Variants in MKX observed in about 807,000 individuals in gnomAD.
MKX encodes the protein mohawk homeobox, also known as homeobox protein Mohawk.
In MKX, 13 loss-of-function variants were observed where a neutral mutation model predicts 36.0. That is an observed-to-expected ratio of 0.36 (90% CI 0.24 to 0.57). MKX has a LOEUF of 0.57. Ranked by LOEUF, MKX falls within the 20% of genes least tolerant of loss-of-function variation. MKX has a pLI of 0.79. For missense variants in MKX, 458 were observed against 456.4 expected (o/e 1.00, Z -0.03); for synonymous variants, 176 against 178.3 (o/e 0.99, Z 0.10).
In MKX at chr10:27,742,951, G is replaced by C. The variant is rs1414143382; in HGVS notation, c.188+277C>G. 1.3e-5 allele frequency among the ~76,000 whole-genome samples: 2 copies of C among 152,224 alleles called. No homozygotes were observed. Among genetic ancestry groups the C allele is most frequent in the East Asian group, 3.9e-4 (2 of 5,194 alleles). ...AGAGGGGCAAATAACCCCCAACTCC[G>C]AGGTCCAGGCAGCGGAGGGCCGAGG... On this transcript the variant is annotated intron_variant, in intron 2 of 6. Transcript: ENST00000419761. This position sits in a 1 kb window ranked among gnomAD's most constrained non-coding sequence, Gnocchi z 4.2.
At chr10:27,716,361 T>C (rs1178576159) in intron 5 of MKX, among the ~76,000 whole-genome samples, 1 of 147,048 alleles carries the variant, frequency 6.8e-6, no homozygotes, top group Non-Finnish European at 1.5e-5. Context: ...AGGATGAGGC[T>C]GCAGTCAGTC....
Position 27,743,219 on chromosome 10 carries a change from T to A in MKX, c.188+9A>T, listed in dbSNP as rs767324759. 2 of 1,473,936 alleles carry A rather than the reference T, an allele frequency of 1.4e-6. No individual in the cohort carries two copies. Among genetic ancestry groups the A allele is most frequent in the South Asian group, 1.5e-5 (1 of 67,968 alleles). 91.3% of individuals were successfully genotyped at this position (1,473,936 alleles called of 1,614,324 possible). ...CAGGCGGGCAGGGCCCCCAGGGGAG[T>A]GCGCATACCCGGTCCTCCGGTGTCT... On this transcript the variant is annotated intron_variant, in intron 2 of 6. Transcript: ENST00000419761.
intron 5 of MKX, among the ~76,000 whole-genome samples, chr10:27,680,026 G>C (rs931492710): frequency 6.6e-6 from 1 of 152,078 alleles, no homozygotes; most frequent in East Asian, 1.9e-4. Context: ...GTGGCACCTA[G>C]TAGCTCCAGA....
chr10:27,735,914 A>G (rs1834760160), intron 3 of MKX, among the ~76,000 whole-genome samples: 1 of 152,204 alleles, frequency 6.6e-6, no homozygotes, highest in South Asian at 2.1e-4. Flanking sequence ...AGAGTTAAAG[A>G]TGACCTTGAG....
intron 5 of MKX, among the ~76,000 whole-genome samples, chr10:27,719,285 G>C (rs530844503): frequency 1.3e-5 from 2 of 152,286 alleles, no homozygotes; most frequent in South Asian, 2.1e-4. Flanking sequence ...ACCGTGGAGA[G>C]TGTGAGCTGC....
At chr10:27,689,579 AG>A (rs1328170571) in intron 5 of MKX, among the ~76,000 whole-genome samples, 2 of 152,218 alleles carry the variant, frequency 1.3e-5, no homozygotes, top group Admixed American at 6.5e-5. Context: ...AAATTAAAAA[AG>A]AACCATGCAT....
intron 5 of MKX, among the ~76,000 whole-genome samples, chr10:27,685,720 G>A (rs1283532894): frequency 2.6e-5 from 4 of 152,138 alleles, no homozygotes; most frequent in Non-Finnish European, 4.4e-5. Context: ...AAAGTGCTGG[G>A]ATTACAGGCG....
At chr10:27,723,335 G>A (rs1296843512) in intron 5 of MKX, among the ~76,000 whole-genome samples, 1 of 152,270 alleles carries the variant, frequency 6.6e-6, no homozygotes, top group East Asian at 1.9e-4. Flanking sequence ...AACAAGACCA[G>A]TTGCACTAGT....
At chr10:27,701,371 TATA>T (rs2132526506) in intron 5 of MKX, among the ~76,000 whole-genome samples, 1 of 6,468 alleles carries the variant, frequency 1.5e-4, no homozygotes, top group South Asian at 3.9e-3. Flanking sequence ...GATGATTTTA[TATA>T]TATATATATA....
intron 5 of MKX, among the ~76,000 whole-genome samples, chr10:27,716,611 T>A (rs1836969514): frequency 6.6e-6 from 1 of 152,176 alleles, no homozygotes; most frequent in African/African-American, 2.4e-5. Flanking sequence ...AAATTTCAAC[T>A]AACTTACTTA....
At position 27,684,897 on chromosome 10, in the gene MKX, T is replaced by C. The variant is rs1589654315; in HGVS notation, c.839-9343A>G. Among the ~76,000 whole-genome samples the C allele has an allele frequency of 2.0e-5, 3 of 152,366 alleles. 1 individual carries two copies. The highest frequency in any genetic ancestry group is 4.4e-5 in the Non-Finnish European group (3 of 68,034). ...AAGTGCGCAACCCTTGTATGCACAG[T>C]TCACAATAGGGTTCACGCTCCTATG... On this transcript the variant is annotated intron_variant, in intron 5 of 6. Coordinates refer to ENST00000419761, the MANE Select transcript of MKX (RefSeq NM_173576.3).
At chr10:27,722,523 G>A (rs151316937) in intron 5 of MKX, among the ~76,000 whole-genome samples, 56 of 152,296 alleles carry the variant, frequency 3.7e-4, no homozygotes, top group African/African-American at 1.3e-3. Flanking sequence ...TTAATAAAGG[G>A]ACTTGCCTTA....
At chr10:27,702,425 G>A (rs1240738654) in intron 5 of MKX, among the ~76,000 whole-genome samples, 6 of 152,312 alleles carry the variant, frequency 3.9e-5, no homozygotes, top group Middle Eastern at 3.4e-3. Flanking sequence ...GAAGCCACTT[G>A]CTGGTGGTTT....
rs937379063 is a variant in MKX, at chr10:27,744,077, C to T, written c.-82-580G>A. Among the ~76,000 whole-genome samples the T allele has an allele frequency of 3.2e-4, 48 of 152,100 alleles. No homozygotes were observed. The highest frequency in any genetic ancestry group is 1.0e-3 in the African/African-American group (42 of 41,422). On this transcript the variant is annotated intron_variant, in intron 1 of 6. Coordinates refer to ENST00000419761, the MANE Select transcript of MKX (RefSeq NM_173576.3). The surrounding 1 kb of genome is among the most constrained non-coding windows in gnomAD (Gnocchi z 5.6). ...TCGTGGATGGTTTGGTTGAAACCCC[C>T]GCATCTTCTGTCCGCCAAGGTCCCC...
intron 5 of MKX, among the ~76,000 whole-genome samples, chr10:27,729,961 G>A (rs889430647): frequency 6.6e-6 from 1 of 152,126 alleles, no homozygotes; most frequent in South Asian, 2.1e-4. Context: ...AGAGAGCAGA[G>A]AGAGCAGACC....
rs556672240 is a variant in MKX at position 27,674,460 on chromosome 10, A to G, written c.*769T>C. ...AAAATTTTGAGTTATTTGTATAATA[A>G]AGTTTTTTTTTAAACTTCAGCAGAA... On this transcript the variant is annotated 3_prime_UTR_variant, in exon 7 of 7. Transcript: ENST00000419761. 7 of 152,744 alleles carry G rather than the reference A, an allele frequency of 4.6e-5. No homozygotes were observed. The South Asian group carries it at 1.4e-3, about 32-fold the overall frequency. The allele number at this position is 152,744 out of a possible 1,614,324, so 9.5% of individuals were successfully genotyped here. A position where few individuals can be genotyped will look rare whatever the true frequency, so the allele number is the denominator to read the frequency against.
At chr10:27,708,994 C>T (rs1235159868) in intron 5 of MKX, among the ~76,000 whole-genome samples, 1 of 151,674 alleles carries the variant, frequency 6.6e-6, no homozygotes, top group Non-Finnish European at 1.5e-5. Flanking sequence ...CATGGTGAAA[C>T]CCCGTCTGTA....
intron 5 of MKX, among the ~76,000 whole-genome samples, chr10:27,732,174 T>C (rs1277446504): frequency 1.3e-5 from 2 of 152,172 alleles, no homozygotes; most frequent in African/African-American, 4.8e-5. Context: ...TAGGATAACG[T>C]TTACATTTTT....
chr10:27,683,273 C>A (rs1290403521), intron 5 of MKX, among the ~76,000 whole-genome samples: 1 of 152,190 alleles, frequency 6.6e-6, no homozygotes, highest in East Asian at 1.9e-4. Flanking sequence ...TGTTTAGATA[C>A]ATATTTTTAA....
Sources: gnomAD v4.1 joint callset for allele counts (sites outside exome capture counted in the v4.1 genomes callset) on GRCh38, gnomAD v4.1.1 for gene constraint, Gnocchi (gnomAD v3.1) non-coding constraint, MANE v1.5 for transcripts, NCBI Gene and HGNC (gene_info 2026-07-23, HGNC 2026-07-21) for gene names.